The following GFRA2 variants were observed in gnomAD, a reference collection of about 807,000 sequenced individuals.
GFRA2 encodes GDNF family receptor alpha 2.
GFRA2 carries 17 observed loss-of-function variants against 48.3 expected under a neutral mutation model. The observed-to-expected ratio is 0.35, with a 90% CI of 0.24 to 0.53. GFRA2 has a LOEUF of 0.53. GFRA2 is among the 20% of genes least tolerant of loss of function. The probability of loss-of-function intolerance (pLI) is 0.93; values close to 1 mark genes in which losing one functional copy is unlikely to be tolerated. For synonymous variants in GFRA2, 305 were observed against 257.2 expected (o/e 1.19, Z -1.78); for missense variants, 660 against 637.3 (o/e 1.04, Z -0.38).
intron 7 of GFRA2, among the ~76,000 whole-genome samples, chr8:21,694,767 G>A (rs6988331): frequency 0.031 from 4,649 of 152,278 alleles, 215 homozygotes; most frequent in African/African-American, 0.094. Context: ...CCCAACTAGC[G>A]GCATTATATA....
chr8:21,740,072 A>C (rs1484563577), intron 4 of GFRA2, among the ~76,000 whole-genome samples: 1 of 152,170 alleles, frequency 6.6e-6, no homozygotes, highest in Admixed American at 6.5e-5. Context: ...AGTCAGTATC[A>C]AAGACCAACA....
At chr8:21,799,478 G>A (rs1807734068) in intron 2 of GFRA2, among the ~76,000 whole-genome samples, 2 of 152,012 alleles carry the variant, frequency 1.3e-5, no homozygotes, top group South Asian at 2.1e-4. Flanking sequence ...TTACAGGCAT[G>A]AGCCACTGCA....
rs577861355 is a variant in GFRA2 at position 21,696,912 on chromosome 8, G to T, written c.1219-2395C>A. Among the ~76,000 whole-genome samples the T allele has an allele frequency of 3.6e-5, 5 of 140,776 alleles. No individual in the cohort carries two copies. The South Asian group carries it at 1.2e-3, about 34-fold the overall frequency. The allele number at this position is 140,776 out of a possible 152,430, so 92.4% of individuals were successfully genotyped here. A position where few individuals can be genotyped will look rare whatever the true frequency, so the allele number is the denominator to read the frequency against. On this transcript the variant is annotated intron_variant, in intron 7 of 8. Transcript: ENST00000524240. Reference sequence around the variant, plus strand: ...GGGAGGGGACAGAGTGAGAGGAGAGGGGACATAGTAGAGGGAAGGGGACAG... The same window carrying T: ...GGGAGGGGACAGAGTGAGAGGAGAGTGGACATAGTAGAGGGAAGGGGACAG...
chr8:21,747,862 G>A (rs995644844), intron 4 of GFRA2, among the ~76,000 whole-genome samples: 10 of 150,886 alleles, frequency 6.6e-5, no homozygotes, highest in Non-Finnish European at 1.0e-4. Context: ...GCACACATGC[G>A]CACACACATA....
intron 4 of GFRA2, among the ~76,000 whole-genome samples, chr8:21,715,595 T>C (rs1389748366): frequency 6.6e-6 from 1 of 152,144 alleles, no homozygotes; most frequent in Non-Finnish European, 1.5e-5. Flanking sequence ...TTAAAGGCTG[T>C]ATGCCACCTC....
chr8:21,726,577 G>A (rs1269634598), intron 4 of GFRA2, among the ~76,000 whole-genome samples: 5 of 151,966 alleles, frequency 3.3e-5, no homozygotes, highest in Non-Finnish European at 4.4e-5. Context: ...TTCTGGTGGC[G>A]CCCGGCATCC....
upstream of GFRA2, among the ~76,000 whole-genome samples, chr8:21,793,353 G>A (rs1807611384): frequency 2.0e-5 from 3 of 152,148 alleles, no homozygotes; most frequent in African/African-American, 7.2e-5. Flanking sequence ...GAGGTAATGA[G>A]GGTCCAACAG....
chr8:21,732,347 G>T (rs1032367138), intron 4 of GFRA2, among the ~76,000 whole-genome samples: 2 of 152,254 alleles, frequency 1.3e-5, no homozygotes, highest in Non-Finnish European at 2.9e-5. Flanking sequence ...GGCCTGCCGA[G>T]TGGAGCAGCC....
chr8:21,795,386 TTTTA>T (rs1424488287), intron 2 of GFRA2, among the ~76,000 whole-genome samples: 6 of 151,070 alleles, frequency 4.0e-5, no homozygotes, highest in Non-Finnish European at 7.4e-5. Context: ...TTCTTTTTCT[TTTTA>T]TTTATTTATT....
upstream of GFRA2, chr8:21,790,050 T>C (rs1321474532): frequency 9.1e-6 from 9 of 984,506 alleles, no homozygotes; most frequent in South Asian, 4.7e-5. Context: ...TTGATCCATC[T>C]GTCGGTGGGC....
chr8:21,790,139 A>G (rs1807524041), upstream of GFRA2: 1 of 980,216 alleles, frequency 1.0e-6, no homozygotes, highest in Non-Finnish European at 1.2e-6. Flanking sequence ...CTGGCTGGGA[A>G]AGGGCTGGAG....
intron 4 of GFRA2, among the ~76,000 whole-genome samples, chr8:21,725,703 C>T (rs1300454416): frequency 3.3e-5 from 5 of 152,142 alleles, no homozygotes; most frequent in East Asian, 1.9e-4. Context: ...AGAAGGAAGC[C>T]GAGACTTAGA....
In GFRA2 at chr8:21,772,151, A is replaced by G. The variant is rs902057884; in HGVS notation, c.439+2821T>C. 3.7e-4 allele frequency among the ~76,000 whole-genome samples: 57 copies of G among 152,282 alleles called. 1 individual carries two copies. In the East Asian group the frequency reaches 9.6e-3, roughly 26 times the overall value. ...AGCACTGCTCCAAGCTCATGTCCTC[A>G]TTCAGACAGAAGATCTGGCACATGA... On this transcript the variant is annotated intron_variant, in intron 3 of 8. Coordinates refer to ENST00000524240, the MANE Select transcript of GFRA2 (RefSeq NM_001495.5).
chr8:21,767,922 T>C (rs1585320230), intron 3 of GFRA2, among the ~76,000 whole-genome samples: 1 of 152,070 alleles, frequency 6.6e-6, no homozygotes, highest in Non-Finnish European at 1.5e-5. Flanking sequence ...CAAATCCTTC[T>C]ACCGACTGAC....
At chr8:21,716,201 T>A (rs1184289670) in intron 4 of GFRA2, among the ~76,000 whole-genome samples, 1 of 151,392 alleles carries the variant, frequency 6.6e-6, no homozygotes. Context: ...CACACACCTG[T>A]AATCCCACCT....
rs144257319 is a variant in GFRA2, at chr8:21,733,418, C to A, written c.794+17170G>T. 1.8e-3 allele frequency among the ~76,000 whole-genome samples: 276 copies of A among 152,288 alleles called. 1 individual carries two copies. The highest frequency in any genetic ancestry group is 6.3e-3 in the African/African-American group (262 of 41,566). ...AGATGACAACTCACTGCATTCTTCC[C>A]CAGCATCGGCTTAGAATGAAAGGTA... On this transcript the variant is annotated intron_variant, in intron 4 of 8. Coordinates refer to ENST00000524240, the MANE Select transcript of GFRA2 (RefSeq NM_001495.5).
chr8:21,802,215 T>C (rs1372103336), intron 2 of GFRA2, among the ~76,000 whole-genome samples: 2 of 152,228 alleles, frequency 1.3e-5, no homozygotes, highest in East Asian at 3.8e-4. Context: ...GGAAAGTCCC[T>C]AAATCTGGCT....
intron 4 of GFRA2, among the ~76,000 whole-genome samples, chr8:21,715,853 G>C (rs1803304796): frequency 6.6e-6 from 1 of 152,082 alleles, no homozygotes; most frequent in Admixed American, 6.5e-5. Context: ...GGAGGGAGAA[G>C]CAGAAACAAG....
At chr8:21,707,726 C>T (rs1184236297) in intron 4 of GFRA2, among the ~76,000 whole-genome samples, 1 of 152,136 alleles carries the variant, frequency 6.6e-6, no homozygotes, top group African/African-American at 2.4e-5. Context: ...CTAATTAGCA[C>T]TTTAAAAGGC....
Sources: allele counts gnomAD v4.1 joint callset (sites outside exome capture counted in the v4.1 genomes callset), GRCh38; gene constraint gnomAD v4.1.1; transcripts MANE v1.5; gene names NCBI Gene and HGNC (gene_info 2026-07-23, HGNC 2026-07-21).